ASTN1: variants seen among roughly 807,000 people sequenced by gnomAD.
The protein encoded by ASTN1 is astrotactin 1.
A neutral mutation model predicts 140.7 loss-of-function variants in ASTN1; 41 were observed. The ratio of observed to expected loss-of-function variants is 0.29; its 90% CI spans 0.23 to 0.38. The LOEUF (loss-of-function observed/expected upper bound fraction) is 0.38. Ranked by LOEUF, ASTN1 falls within the 10% of genes least tolerant of loss-of-function variation. The probability of loss-of-function intolerance (pLI) is 1.00; values close to 1 mark genes in which losing one functional copy is unlikely to be tolerated. For synonymous variants in ASTN1, 640 were observed against 652.2 expected (o/e 0.98, Z 0.29); for missense variants, 1,479 against 1,678.8 (o/e 0.88, Z 2.08).
intron 19 of ASTN1, among the ~76,000 whole-genome samples, chr1:176,883,199 G>A (rs1230454901): frequency 6.6e-6 from 1 of 151,758 alleles, no homozygotes; most frequent in African/African-American, 2.4e-5. Context: ...GACACAACTA[G>A]GGCAAGGGAT....
chr1:176,858,168 A>T (rs934507838), downstream of ASTN1, among the ~76,000 whole-genome samples: 2 of 152,204 alleles, frequency 1.3e-5, no homozygotes, highest in Non-Finnish European at 2.9e-5. Context: ...CTCTAGGGGA[A>T]TCAATCCAAT....
At chr1:176,994,153 A>G (rs1558017206) in intron 8 of ASTN1, among the ~76,000 whole-genome samples, 1 of 148,044 alleles carries the variant, frequency 6.8e-6, no homozygotes. Context: ...AGAAAATAGC[A>G]GGTAAATTCC....
intron 8 of ASTN1, among the ~76,000 whole-genome samples, chr1:176,968,529 C>T (rs1016697014): frequency 1.6e-4 from 25 of 152,298 alleles, no homozygotes; most frequent in South Asian, 4.2e-4. Context: ...CACTCTACAG[C>T]ATTGACATTA....
intron 1 of ASTN1, among the ~76,000 whole-genome samples, chr1:177,146,417 C>A (rs1258015183): frequency 6.6e-6 from 1 of 152,164 alleles, no homozygotes; most frequent in Non-Finnish European, 1.5e-5. Context: ...AGAAGTCATA[C>A]ACTGAATATT....
intron 13 of ASTN1, 97 bp downstream of exon 13, chr1:176,945,829 C>T (rs939890508): frequency 6.3e-6 from 8 of 1,264,434 alleles, no homozygotes; most frequent in Middle Eastern, 2.0e-4. Flanking sequence ...ATCATATTTA[C>T]CCTGCTCCAA....
chr1:177,005,301 C>A (rs1383194826), intron 8 of ASTN1, among the ~76,000 whole-genome samples: 1 of 152,010 alleles, frequency 6.6e-6, no homozygotes, highest in African/African-American at 2.4e-5. Flanking sequence ...ACAAGAATGG[C>A]CATTATTAAA....
At chr1:177,036,250 A>G (rs1030792159) in intron 2 of ASTN1, among the ~76,000 whole-genome samples, 1 of 151,664 alleles carries the variant, frequency 6.6e-6, no homozygotes, top group South Asian at 2.1e-4. Flanking sequence ...GGGTTTCTCC[A>G]TGTTGAGGCT....
At chr1:177,149,215 T>C (rs1241681132) in intron 1 of ASTN1, among the ~76,000 whole-genome samples, 3 of 105,508 alleles carry the variant, frequency 2.8e-5, no homozygotes, top group Non-Finnish European at 5.0e-5. Flanking sequence ...AGTGTATATA[T>C]AGTAAATATA....
At chr1:177,118,581 A>G (rs752925685) in intron 1 of ASTN1, among the ~76,000 whole-genome samples, 5 of 152,224 alleles carry the variant, frequency 3.3e-5, no homozygotes, top group Admixed American at 6.5e-5. Flanking sequence ...ATAAGCCATT[A>G]ACACAGCCAG....
At chr1:176,938,123 A>AT (rs1671526548) in intron 14 of ASTN1, among the ~76,000 whole-genome samples, 1 of 152,184 alleles carries the variant, frequency 6.6e-6, no homozygotes, top group Non-Finnish European at 1.5e-5. Context: ...TCTTTCAAAT[A>AT]TTCTTTCAGG....
intron 18 of ASTN1, among the ~76,000 whole-genome samples, chr1:176,887,252 A>C (rs776733992): frequency 6.6e-6 from 1 of 152,174 alleles, no homozygotes. Context: ...CTTTCTGCAC[A>C]CTGAACATCC....
Position 176,861,454 on chromosome 1 carries a change from G to A in ASTN1, c.*2830C>T, listed in dbSNP as rs1333624927. On this transcript the variant is annotated 3_prime_UTR_variant, in exon 23 of 23. Transcript: ENST00000361833. ...CCTGTTTGGCAGCTTGAAAACTCAA[G>A]GTTGAATACCGGTCCAGTACCATCA... The A allele has an allele frequency of 1.0e-6, 1 of 985,700 alleles. No homozygotes were observed. Among genetic ancestry groups the A allele is most frequent in the African/African-American group, 1.7e-5 (1 of 57,210 alleles). 61.1% of individuals were successfully genotyped at this position (985,700 alleles called of 1,614,324 possible).
intron 21 of ASTN1, among the ~76,000 whole-genome samples, chr1:176,874,911 T>C (rs991090699): frequency 3.3e-5 from 5 of 152,072 alleles, no homozygotes; most frequent in African/African-American, 2.4e-5. Flanking sequence ...TGATTCCAGG[T>C]TCTCTGCAAT....
At chr1:177,034,057 GAGATAAA>G (rs1676586552) in intron 2 of ASTN1, among the ~76,000 whole-genome samples, 1 of 152,056 alleles carries the variant, frequency 6.6e-6, no homozygotes. Context: ...AAATAAGCTA[GAGATAAA>G]AATCCGCTAC....
chr1:176,935,822 T>C (rs1317453417), intron 15 of ASTN1, among the ~76,000 whole-genome samples: 1 of 152,148 alleles, frequency 6.6e-6, no homozygotes, highest in Non-Finnish European at 1.5e-5. Context: ...ACTCACTTGC[T>C]GTTTAGGAGC....
At chr1:177,140,124 CTGAA>C (rs1233604153) in intron 1 of ASTN1, among the ~76,000 whole-genome samples, 1 of 152,126 alleles carries the variant, frequency 6.6e-6, no homozygotes, top group Non-Finnish European at 1.5e-5. Flanking sequence ...AAGCATGTAA[CTGAA>C]TGAATGAATG....
chr1:177,037,841 T>G (rs1676796551), intron 2 of ASTN1, among the ~76,000 whole-genome samples: 1 of 152,190 alleles, frequency 6.6e-6, no homozygotes, highest in South Asian at 2.1e-4. Flanking sequence ...AAATGTGGCA[T>G]TTTAAAATAC....
At chr1:176,888,546 A>C (rs2103032421) in intron 17 of ASTN1, among the ~76,000 whole-genome samples, 2 of 152,208 alleles carry the variant, frequency 1.3e-5, no homozygotes, top group African/African-American at 4.8e-5. Context: ...TTACGCCTCT[A>C]CCACACATCT....
intron 11 of ASTN1, among the ~76,000 whole-genome samples, chr1:176,957,422 T>G (rs1284277200): frequency 6.6e-6 from 1 of 152,178 alleles, no homozygotes; most frequent in Non-Finnish European, 1.5e-5. Flanking sequence ...AATTAAGCAA[T>G]TATTTAGTTC....
Sources: allele counts gnomAD v4.1 joint callset (sites outside exome capture counted in the v4.1 genomes callset), GRCh38; gene constraint gnomAD v4.1.1; transcripts MANE v1.5; gene names NCBI Gene and HGNC (gene_info 2026-07-23, HGNC 2026-07-21).